Variants in SPIDR observed in about 807,000 individuals in gnomAD.
SPIDR encodes the protein DNA repair-scaffolding protein.
Under a neutral mutation model 104.6 loss-of-function variants are expected in SPIDR, and 93 were observed. That is an observed-to-expected ratio of 0.89 (90% CI 0.75 to 1.06). SPIDR has a LOEUF of 1.06. Ranked by LOEUF, SPIDR falls within the 50% of genes least tolerant of loss-of-function variation. SPIDR has a pLI of 0.00. For synonymous variants in SPIDR, 431 were observed against 416.9 expected (o/e 1.03, Z -0.41); for missense variants, 1,154 against 1,111.2 (o/e 1.04, Z -0.55).
intron 5 of SPIDR, among the ~76,000 whole-genome samples, chr8:47,379,560 A>G (rs2059078876): frequency 6.6e-6 from 1 of 152,202 alleles, no homozygotes; most frequent in African/African-American, 2.4e-5. Flanking sequence ...AGAGCTTTTC[A>G]TTAAAATGAT....
At chr8:47,412,528 G>T (rs2063684323) in intron 7 of SPIDR, among the ~76,000 whole-genome samples, 1 of 152,108 alleles carries the variant, frequency 6.6e-6, no homozygotes, top group African/African-American at 2.4e-5. Context: ...GACTTTCATT[G>T]GTCTGGTAGA....
chr8:47,341,148 A>G (rs1324912115), intron 5 of SPIDR, among the ~76,000 whole-genome samples: 7 of 152,216 alleles, frequency 4.6e-5, no homozygotes, highest in African/African-American at 1.7e-4. Context: ...GTGCTAACTC[A>G]GGTAGTTAAT....
intron 7 of SPIDR, among the ~76,000 whole-genome samples, chr8:47,421,459 A>G (rs1554680500): frequency 1.3e-5 from 2 of 152,166 alleles, no homozygotes; most frequent in African/African-American, 4.8e-5. Flanking sequence ...TTTTAGCTCC[A>G]TGAGGTCCTG....
rs947595059 is a variant in SPIDR, at chr8:47,397,639, G to A, written c.776+1013G>A. On this transcript the variant is annotated intron_variant, in intron 6 of 19. Transcript: ENST00000297423. Reference sequence around the variant, plus strand: ...TGAAGAGCGTAGGTGTTGGATCCACGGATGATATTGTTACATCATAAGAAG... The same window carrying A: ...TGAAGAGCGTAGGTGTTGGATCCACAGATGATATTGTTACATCATAAGAAG... 2.6e-5 allele frequency among the ~76,000 whole-genome samples: 4 copies of A among 152,248 alleles called. No individual in the cohort carries two copies. In the South Asian group the frequency reaches 6.2e-4, roughly 24 times the overall value.
intron 1 of SPIDR, among the ~76,000 whole-genome samples, chr8:47,274,987 C>T (rs941713987): frequency 1.0e-4 from 15 of 150,372 alleles, no homozygotes; most frequent in Non-Finnish European, 1.2e-4. Flanking sequence ...AGGCCCAGCG[C>T]GGTGGCTCAC....
chr8:47,550,540 A>C (rs1164569850), intron 8 of SPIDR, among the ~76,000 whole-genome samples: 1 of 152,136 alleles, frequency 6.6e-6, no homozygotes, highest in African/African-American at 2.4e-5. Flanking sequence ...TGTGAATGGC[A>C]GTTCACTCAT....
At chr8:47,709,988 A>C (rs1207056416) in intron 14 of SPIDR, among the ~76,000 whole-genome samples, 1 of 149,976 alleles carries the variant, frequency 6.7e-6, no homozygotes, top group Non-Finnish European at 1.5e-5. Context: ...AGCAATTCTC[A>C]TGCCTCAGCC....
At chr8:47,702,826 C>T (rs944045152) in intron 14 of SPIDR, among the ~76,000 whole-genome samples, 5 of 152,120 alleles carry the variant, frequency 3.3e-5, no homozygotes. Flanking sequence ...ATGAGTGGAG[C>T]AAACCAGGCC....
Position 47,278,906 on chromosome 8 carries a change from G to C in SPIDR, c.34-956G>C, listed in dbSNP as rs944718331. 7.9e-5 allele frequency among the ~76,000 whole-genome samples: 12 copies of C among 151,858 alleles called. No individual in the cohort carries two copies. The East Asian group carries it at 2.3e-3, about 30-fold the overall frequency. Reference sequence around the variant, plus strand: ...ATAGCTTTTATTTTTCTTTTTTTAAGGACGTGGCCTCTCACTGTGTTGCCC... The same window carrying C: ...ATAGCTTTTATTTTTCTTTTTTTAACGACGTGGCCTCTCACTGTGTTGCCC... On this transcript the variant is annotated intron_variant, in intron 1 of 19. Transcript: ENST00000297423.
chr8:47,329,684 A>G (rs1323683275), intron 5 of SPIDR, among the ~76,000 whole-genome samples: 1 of 152,130 alleles, frequency 6.6e-6, no homozygotes, highest in Non-Finnish European at 1.5e-5. Context: ...TACATATTGT[A>G]TCTGTTATAA....
rs11372277 is a variant in SPIDR at position 47,359,252 on chromosome 8, C to CAAAAA, written c.526-37112_526-37108dup. Among the ~76,000 whole-genome samples, 395 of 114,936 alleles carry CAAAAA rather than the reference C, an allele frequency of 3.4e-3. 7 individuals carry two copies. The highest frequency in any genetic ancestry group is 0.015 in the African/African-American group (385 of 25,926). The allele number at this position is 114,936 out of a possible 152,430, so 75.4% of individuals were successfully genotyped here. A position where few individuals can be genotyped will look rare whatever the true frequency, so the allele number is the denominator to read the frequency against. ...TGGGCGACAGAGCGAGACTCCGTCTCAAAAAAAAAAAAAAAAGTTTTTTTT... is the reference window on the plus strand; with the variant it reads ...TGGGCGACAGAGCGAGACTCCGTCTCAAAAAAAAAAAAAAAAAAAAAGTTTTTTTT... On this transcript the variant is annotated intron_variant, in intron 5 of 19. Transcript: ENST00000297423.
chr8:47,710,720 G>A (rs776588020), intron 14 of SPIDR, among the ~76,000 whole-genome samples: 3 of 151,878 alleles, frequency 2.0e-5, no homozygotes, highest in Admixed American at 6.6e-5. Context: ...CGCCTGCCTC[G>A]GCCTCCCAAA....
intron 5 of SPIDR, among the ~76,000 whole-genome samples, chr8:47,359,649 G>T (rs2055326454): frequency 6.6e-6 from 1 of 152,144 alleles, no homozygotes; most frequent in Admixed American, 6.5e-5. Context: ...TCAGCATTGT[G>T]CCCTATAGAG....
At chr8:47,580,395 C>T (rs1440717942) in intron 8 of SPIDR, among the ~76,000 whole-genome samples, 3 of 152,182 alleles carry the variant, frequency 2.0e-5, no homozygotes, top group Non-Finnish European at 4.4e-5. Flanking sequence ...TCTCGGAACT[C>T]TGCATCAATT....
At chr8:47,284,215 TAAAA>T in intron 3 of SPIDR, 121 bp downstream of exon 3, 2 of 670,628 alleles carry the variant, frequency 3.0e-6, no homozygotes, top group South Asian at 5.1e-5. Context: ...TATTCATAGT[TAAAA>T]AACATCAAGA....
chr8:47,494,363 C>G (rs2079142020), intron 8 of SPIDR, among the ~76,000 whole-genome samples: 1 of 151,622 alleles, frequency 6.6e-6, no homozygotes, highest in Non-Finnish European at 1.5e-5. Context: ...CATCACAGCT[C>G]ACTGCAGCCT....
intron 14 of SPIDR, among the ~76,000 whole-genome samples, chr8:47,705,941 T>A (rs956250718): frequency 6.6e-6 from 1 of 151,766 alleles, no homozygotes; most frequent in Admixed American, 6.6e-5. Context: ...TCCGTTACAC[T>A]AATGACTAAG....
chr8:47,432,409 A>G (rs949160856), intron 7 of SPIDR, among the ~76,000 whole-genome samples: 2 of 152,178 alleles, frequency 1.3e-5, no homozygotes, highest in African/African-American at 4.8e-5. Context: ...ATGGGTCAGG[A>G]GCATCATGGT....
intron 8 of SPIDR, among the ~76,000 whole-genome samples, chr8:47,583,731 G>A (rs2059981419): frequency 6.6e-6 from 1 of 152,200 alleles, no homozygotes; most frequent in South Asian, 2.1e-4. Context: ...ATGTGATAGT[G>A]TGGCATGCTG....
Sources: gnomAD v4.1 joint callset for allele counts (sites outside exome capture counted in the v4.1 genomes callset) on GRCh38, gnomAD v4.1.1 for gene constraint, MANE v1.5 for transcripts, NCBI Gene and HGNC (gene_info 2026-07-23, HGNC 2026-07-21) for gene names.